CALCR: variants seen among roughly 807,000 people sequenced by gnomAD.
The protein encoded by CALCR is calcitonin receptor.
Under a neutral mutation model 59.5 loss-of-function variants are expected in CALCR, and 47 were observed. The ratio of observed to expected loss-of-function variants is 0.79; its 90% CI spans 0.63 to 1.01. The LOEUF is 1.01. Ranked by LOEUF, CALCR falls within the 50% of genes least tolerant of loss-of-function variation. The pLI, the probability that CALCR is intolerant of heterozygous loss-of-function variation, is 0.00. For synonymous variants in CALCR, 213 were observed against 211.3 expected (o/e 1.01, Z -0.07); for missense variants, 566 against 597.1 (o/e 0.95, Z 0.54).
At chr7:93,456,388 G>A (rs1434571755) in intron 8 of CALCR, among the ~76,000 whole-genome samples, 3 of 151,642 alleles carry the variant, frequency 2.0e-5, no homozygotes, top group African/African-American at 7.3e-5. Context: ...GCCCTTTTAG[G>A]CATATAGAGA....
intron 13 of CALCR, among the ~76,000 whole-genome samples, chr7:93,428,776 G>T (rs910659622): frequency 1.5e-5 from 2 of 135,856 alleles, no homozygotes; most frequent in Non-Finnish European, 3.0e-5. Context: ...AACAGAGCGA[G>T]ACTCCGTCTC....
Position 93,555,814 on chromosome 7 carries a change from A to C in CALCR, c.-27+18475T>G, listed in dbSNP as rs150892115. On this transcript the variant is annotated intron_variant, in intron 2 of 13. Transcript: ENST00000426151. The stretch of plus-strand genomic sequence containing the variant: ...AATAAACAAGAACTTGATAGGAAGG[A>C]AACTAGACTTGGGCTGATCAGTGGA... Among the ~76,000 whole-genome samples, 556 of 152,320 alleles carry C rather than the reference A, an allele frequency of 3.7e-3. 3 individuals are homozygous for C. Among genetic ancestry groups the C allele is most frequent in the Admixed American group, 0.021 (327 of 15,284 alleles).
chr7:93,426,502 G>C lies in CALCR; in HGVS notation c.1279C>G (p.Arg427Gly), dbSNP rs772721965. The change falls in exon 14 of 14, where the codon CGC (arginine) becomes GGC (glycine). Residue 427 changes from arginine to glycine, a missense_variant. Arg to Gly is a moderately radical substitution (Grantham distance 125). Coordinates refer to ENST00000426151, the MANE Select transcript of CALCR (RefSeq NM_001742.4). Reference sequence around the variant, plus strand: ...GCCTCCGCAGCAGCGGCTGCAGCGCGAGCAGAGCGGTTGGAGGGGCGCCTC... The same window carrying C: ...GCCTCCGCAGCAGCGGCTGCAGCGCCAGCAGAGCGGTTGGAGGGGCGCCTC... ...WGRRPSNRSA[R>G]AAAAAAEAGD... 22 of 1,613,628 alleles carry C rather than the reference G, an allele frequency of 1.4e-5. 1 individual carries two copies. In the South Asian group the frequency reaches 2.3e-4, roughly 17 times the overall value.
At chr7:93,531,839 A>G (rs764769990) in intron 2 of CALCR, among the ~76,000 whole-genome samples, 4 of 152,104 alleles carry the variant, frequency 2.6e-5, no homozygotes, top group East Asian at 1.9e-4. Context: ...ATGTGCAGCA[A>G]CTAAAATTTT....
At chr7:93,468,827 C>T in intron 6 of CALCR, 21 bp from the exon 7 acceptor site, 1 of 1,280,322 alleles carries the variant, frequency 7.8e-7, no homozygotes, top group Non-Finnish European at 1.1e-6. Context: ...AAAAAGTAAA[C>T]AAACAAACAA....
chr7:93,463,300 A>C (rs1584555616), intron 7 of CALCR, among the ~76,000 whole-genome samples: 1 of 151,986 alleles, frequency 6.6e-6, no homozygotes, highest in South Asian at 2.1e-4. Flanking sequence ...GTATCTCTCT[A>C]TATAAAAATA....
intron 2 of CALCR, among the ~76,000 whole-genome samples, chr7:93,535,247 A>G (rs1368619846): frequency 1.3e-5 from 2 of 151,860 alleles, no homozygotes; most frequent in East Asian, 3.9e-4. Flanking sequence ...AGCATTTCCT[A>G]TAATAATAAG....
chr7:93,435,237 T>C (rs1756141901), intron 12 of CALCR, among the ~76,000 whole-genome samples: 1 of 152,160 alleles, frequency 6.6e-6, no homozygotes, highest in Non-Finnish European at 1.5e-5. Flanking sequence ...AATGGATTCC[T>C]AACATTCACC....
intron 2 of CALCR, among the ~76,000 whole-genome samples, chr7:93,541,695 T>C (rs1789144885): frequency 6.6e-6 from 1 of 152,162 alleles, no homozygotes; most frequent in Admixed American, 6.5e-5. Context: ...ACAAAGAAAG[T>C]TTTGCTGAGT....
intron 2 of CALCR, among the ~76,000 whole-genome samples, chr7:93,554,519 G>A (rs931913300): frequency 6.6e-6 from 1 of 151,906 alleles, no homozygotes; most frequent in Non-Finnish European, 1.5e-5. Context: ...GATTTATACT[G>A]ATCTTTTACC....
At chr7:93,544,990 C>G (rs563677557) in intron 2 of CALCR, among the ~76,000 whole-genome samples, 1 of 152,174 alleles carries the variant, frequency 6.6e-6, no homozygotes, top group East Asian at 1.9e-4. Flanking sequence ...CACGCTTTCC[C>G]CAGACTGTGG....
intron 2 of CALCR, among the ~76,000 whole-genome samples, chr7:93,534,509 T>C (rs531973482): frequency 6.6e-6 from 1 of 151,888 alleles, no homozygotes; most frequent in East Asian, 1.9e-4. Flanking sequence ...TGAATAAAGA[T>C]ATAAATGTAA....
Position 93,565,604 on chromosome 7 carries a change from C to T in CALCR, c.-27+8685G>A, listed in dbSNP as rs546365645. ...TTTTATTTTTTTCTAAATTGGCCCT[C>T]GAGCAAGGATCATTCACCACTTTGC... On this transcript the variant is annotated intron_variant, in intron 2 of 13. Transcript: ENST00000426151. Among the ~76,000 whole-genome samples, 5 of 152,278 alleles carry T rather than the reference C, an allele frequency of 3.3e-5. No individual in the cohort carries two copies. In the South Asian group the frequency reaches 6.2e-4, roughly 19 times the overall value.
chr7:93,534,808 A>T (rs925585955), intron 2 of CALCR, among the ~76,000 whole-genome samples: 7 of 151,874 alleles, frequency 4.6e-5, no homozygotes, highest in Middle Eastern at 3.4e-3. Context: ...TATTTATTCT[A>T]ATCCTAGTCC....
intron 7 of CALCR, among the ~76,000 whole-genome samples, chr7:93,467,940 G>T (rs188018273): frequency 3.0e-4 from 46 of 151,138 alleles, no homozygotes; most frequent in African/African-American, 1.1e-3. Context: ...ACCGTGGTGT[G>T]TCTAAAAAAA....
intron 2 of CALCR, among the ~76,000 whole-genome samples, chr7:93,504,199 C>T (rs532397773): frequency 2.6e-5 from 4 of 152,252 alleles, no homozygotes; most frequent in Non-Finnish European, 4.4e-5. Context: ...GCCCACATTT[C>T]CCATTTTAAT....
intron 2 of CALCR, among the ~76,000 whole-genome samples, chr7:93,529,333 C>T (rs961598200): frequency 6.6e-6 from 1 of 152,230 alleles, no homozygotes; most frequent in South Asian, 2.1e-4. Context: ...ACCTGCACCC[C>T]CTTTGCCTTC....
intron 2 of CALCR, among the ~76,000 whole-genome samples, chr7:93,562,083 A>G (rs1584633834): frequency 6.6e-6 from 1 of 151,948 alleles, no homozygotes; most frequent in East Asian, 1.9e-4. Flanking sequence ...AAGAATCTTT[A>G]TATTAAGCCT....
chr7:93,443,792 C>T (rs1562976043), intron 8 of CALCR, 35 bp from the exon 9 acceptor site: 2 of 1,600,216 alleles, frequency 1.2e-6, no homozygotes, highest in Non-Finnish European at 8.6e-7. Context: ...CAGAGAAAGA[C>T]ACAGGTAAAG....
Sources: allele counts gnomAD v4.1 joint callset (sites outside exome capture counted in the v4.1 genomes callset), GRCh38; gene constraint gnomAD v4.1.1; transcripts MANE v1.5; gene names NCBI Gene and HGNC (gene_info 2026-07-23, HGNC 2026-07-21).